TMTC2: variants seen among roughly 807,000 people sequenced by gnomAD.
TMTC2 encodes the protein protein O-mannosyl-transferase TMTC2.
A neutral mutation model predicts 82.4 loss-of-function variants in TMTC2; 43 were observed. The ratio of observed to expected loss-of-function variants is 0.52; its 90% confidence interval spans 0.41 to 0.67. The LOEUF is 0.67. TMTC2 is among the 30% of genes least tolerant of loss of function. The probability of loss-of-function intolerance (pLI) is 0.00; values close to 1 mark genes in which losing one functional copy is unlikely to be tolerated. For synonymous variants in TMTC2, 408 were observed against 381.9 expected (o/e 1.07, Z -0.80); for missense variants, 919 against 1,012.4 (o/e 0.91, Z 1.25).
At chr12:83,026,261 G>A (rs934367797) in intron 8 of TMTC2, among the ~76,000 whole-genome samples, 2 of 152,110 alleles carry the variant, frequency 1.3e-5, no homozygotes, top group Admixed American at 1.3e-4. Context: ...CGAAATATTA[G>A]AGCAGAAGAT....
chr12:83,109,746 C>T (rs1884536646), intron 11 of TMTC2, among the ~76,000 whole-genome samples: 1 of 152,200 alleles, frequency 6.6e-6, no homozygotes, highest in Admixed American at 6.5e-5. Context: ...AACCTCTACT[C>T]CTTTGCCTCT....
chr12:83,037,387 T>G (rs1881704693), intron 9 of TMTC2, among the ~76,000 whole-genome samples: 2 of 152,194 alleles, frequency 1.3e-5, no homozygotes, highest in African/African-American at 2.4e-5. Context: ...CCAGAGGAAT[T>G]TTTTAATTAC....
intron 4 of TMTC2, among the ~76,000 whole-genome samples, chr12:82,960,264 C>T (rs932410447): frequency 6.6e-5 from 10 of 152,096 alleles, no homozygotes; most frequent in African/African-American, 2.4e-4. Context: ...TTTGACCCAG[C>T]AGTCCTGTTA....
intron 1 of TMTC2, among the ~76,000 whole-genome samples, chr12:82,824,236 A>C (rs1869281647): frequency 6.6e-6 from 1 of 152,176 alleles, no homozygotes; most frequent in Non-Finnish European, 1.5e-5. Flanking sequence ...TGGATCTTAT[A>C]ATGTATGTTA....
At chr12:82,806,394 G>A (rs978578348) in intron 1 of TMTC2, among the ~76,000 whole-genome samples, 7 of 152,144 alleles carry the variant, frequency 4.6e-5, no homozygotes, top group Non-Finnish European at 1.0e-4. Context: ...GACCAAAGAA[G>A]AATCAGATAC....
chr12:82,733,582 C>G (rs1028896351), intron 1 of TMTC2, among the ~76,000 whole-genome samples: 16 of 152,126 alleles, frequency 1.1e-4, no homozygotes, highest in Admixed American at 7.2e-4. Context: ...AATGACATGC[C>G]TTTGACGATA....
intron 8 of TMTC2, among the ~76,000 whole-genome samples, chr12:82,999,760 C>A (rs1879833196): frequency 6.6e-6 from 1 of 152,112 alleles, no homozygotes. Flanking sequence ...CTCACCAGGT[C>A]CCTTCCACAA....
At chr12:82,821,627 CT>C (rs1869116091) in intron 1 of TMTC2, among the ~76,000 whole-genome samples, 1 of 152,068 alleles carries the variant, frequency 6.6e-6, no homozygotes, top group Admixed American at 6.5e-5. Context: ...AATCCCAGCA[CT>C]TAGGGAGGCC....
chr12:83,010,828 ATTAT>A (rs5799608), intron 8 of TMTC2, among the ~76,000 whole-genome samples: 118,389 of 151,328 alleles, frequency 0.78, 47,366 homozygotes, highest in South Asian at 0.93. Context: ...TTGATGTTTT[ATTAT>A]TTATTTATTT....
rs1872365014 is a variant in TMTC2, at chr12:82,687,406, G to T, written c.-181G>T. 1 of 620,930 alleles carries T rather than the reference G, an allele frequency of 1.6e-6. No individual in the cohort carries two copies. The allele number at this position is 620,930 out of a possible 1,614,324, so 38.5% of individuals were successfully genotyped here. A position where few individuals can be genotyped will look rare whatever the true frequency, so the allele number is the denominator to read the frequency against. ...GGAGGACGCAGGAGCTGCGGAGACG[G>T]GCGCGAGGAGGAGGAGAGGAGTCGT... On this transcript the variant is annotated 5_prime_UTR_variant, in exon 1 of 12. Transcript: ENST00000321196.
At chr12:82,717,393 TTTTTA>T (rs1159091955) in intron 1 of TMTC2, among the ~76,000 whole-genome samples, 9 of 152,032 alleles carry the variant, frequency 5.9e-5, no homozygotes, top group African/African-American at 2.2e-4. Flanking sequence ...CCCGGCTAAG[TTTTTA>T]TTTTATTTTT....
At chr12:82,778,773 C>A (rs1250217854) in intron 1 of TMTC2, among the ~76,000 whole-genome samples, 4 of 141,786 alleles carry the variant, frequency 2.8e-5, no homozygotes, top group African/African-American at 8.1e-5. Context: ...GGCGTGAACC[C>A]GGGAGGCGGA....
intron 4 of TMTC2, among the ~76,000 whole-genome samples, chr12:82,958,147 G>T (rs1460107185): frequency 2.0e-5 from 3 of 151,924 alleles, no homozygotes; most frequent in African/African-American, 7.3e-5. Context: ...AGGATCACTT[G>T]CCCTCAGTTG....
chr12:82,965,557 C>G lies in TMTC2; in HGVS notation c.1685-3C>G. ...CACTTTTGTTTCCACTTTTCCCCCT[C>G]AGCTGCATATTTAAATACCGGTATT... On this transcript the variant is annotated splice_polypyrimidine_tract_variant and splice_region_variant and intron_variant, in intron 5 of 11. Transcript: ENST00000321196. 1 of 1,613,380 alleles carries G rather than the reference C, an allele frequency of 6.2e-7. No individual in the cohort carries two copies. The highest frequency in any genetic ancestry group is 1.3e-5 in the African/African-American group (1 of 74,986).
At chr12:82,859,302 G>A (rs1871413175) in intron 2 of TMTC2, among the ~76,000 whole-genome samples, 2 of 152,034 alleles carry the variant, frequency 1.3e-5, no homozygotes, top group South Asian at 2.1e-4. Context: ...TCTTGACCTC[G>A]TGATCTGCCC....
chr12:82,913,039 AC>A (rs759160965), intron 3 of TMTC2, among the ~76,000 whole-genome samples: 4 of 152,132 alleles, frequency 2.6e-5, no homozygotes, highest in Non-Finnish European at 4.4e-5. Context: ...CATAATGAAA[AC>A]ATTAGTATAT....
chr12:82,802,888 G>A (rs374331298), intron 1 of TMTC2, among the ~76,000 whole-genome samples: 1 of 152,140 alleles, frequency 6.6e-6, no homozygotes, highest in Admixed American at 6.5e-5. Flanking sequence ...ATGCTCCGGC[G>A]ATGGAGACAC....
intron 3 of TMTC2, among the ~76,000 whole-genome samples, chr12:82,900,712 A>AATAT (rs772208168): frequency 9.8e-6 from 1 of 102,244 alleles, no homozygotes; most frequent in African/African-American, 4.7e-5. Flanking sequence ...ATATCTCTGG[A>AATAT]ATATATATAT....
intron 11 of TMTC2, among the ~76,000 whole-genome samples, chr12:83,063,892 G>A (rs1592723988): frequency 6.6e-6 from 1 of 151,846 alleles, no homozygotes; most frequent in East Asian, 1.9e-4. Flanking sequence ...AGTTACAGCA[G>A]GGAACGGGGT....
Sources: allele counts gnomAD v4.1 joint callset (sites outside exome capture counted in the v4.1 genomes callset), GRCh38; gene constraint gnomAD v4.1.1; transcripts MANE v1.5; gene names NCBI Gene and HGNC (gene_info 2026-07-23, HGNC 2026-07-21).